KMT2C: variants seen among roughly 807,000 people sequenced by gnomAD.
KMT2C encodes histone-lysine N-methyltransferase 2C.
A neutral mutation model predicts 507.9 loss-of-function variants in KMT2C; 88 were observed. That is an observed-to-expected ratio of 0.17 (90% confidence interval 0.15 to 0.21). The LOEUF is 0.21. Among genes scored for constraint, KMT2C ranks in the 10% least tolerant of loss-of-function variants. The pLI, the probability that KMT2C is intolerant of heterozygous loss-of-function variation, is 1.00. For missense variants in KMT2C, 4,954 were observed against 5,957.8 expected, an observed-to-expected ratio of 0.83 and a Z score of 5.55; for synonymous variants, 2,049 against 2,080.8, an observed-to-expected ratio of 0.98 and a Z score of 0.42.
At chr7:152,310,175 A>G in intron 5 of KMT2C, 100 bp from the exon 6 acceptor site, 7 of 750,462 alleles carry the variant, frequency 9.3e-6, no homozygotes, top group Non-Finnish European at 1.6e-5. Context: ...CTAATATGTA[A>G]ATATACAATG....
chr7:152,364,306 A>C (rs2097219644), intron 1 of KMT2C, among the ~76,000 whole-genome samples: 1 of 152,210 alleles, frequency 6.6e-6, no homozygotes, highest in South Asian at 2.1e-4. Flanking sequence ...ATCAAAAGAT[A>C]ACATCAAATG....
At chr7:152,340,740 T>A (rs1368069424) in intron 2 of KMT2C, among the ~76,000 whole-genome samples, 3 of 152,146 alleles carry the variant, frequency 2.0e-5, no homozygotes, top group African/African-American at 7.2e-5. Flanking sequence ...TACCCACAGT[T>A]CCATAAATTT....
intron 7 of KMT2C, among the ~76,000 whole-genome samples, chr7:152,271,673 CAAAAAAAAAA>C (rs35698920): frequency 1.8e-5 from 1 of 54,994 alleles, no homozygotes; most frequent in Non-Finnish European, 3.9e-5. Context: ...GACTCCATCT[CAAAAAAAAAA>C]AAAAAAAAAA....
intron 9 of KMT2C, among the ~76,000 whole-genome samples, chr7:152,256,236 G>A (rs2095659701): frequency 1.3e-5 from 2 of 152,052 alleles, no homozygotes; most frequent in South Asian, 4.1e-4. Context: ...TACCCTCAGT[G>A]TAGGGAAAGG....
chr7:152,263,761 G>C (rs1398094756), intron 8 of KMT2C, among the ~76,000 whole-genome samples: 3 of 152,142 alleles, frequency 2.0e-5, no homozygotes, highest in Admixed American at 1.3e-4. Context: ...AATTATAGTT[G>C]AAAACCTAAA....
chr7:152,365,096 T>G (rs189130797), intron 1 of KMT2C, among the ~76,000 whole-genome samples: 1 of 152,302 alleles, frequency 6.6e-6, no homozygotes, highest in Non-Finnish European at 1.5e-5. Flanking sequence ...GCAGGCTTCT[T>G]GTCTGAAACT....
At position 152,162,411 on chromosome 7, in the gene KMT2C, C is replaced by T; in HGVS notation, c.11166G>A (p.Lys3722=). The change falls in exon 43 of 59, where the codon AAG becomes AAA. Residue 3722 remains lysine, a synonymous_variant. Coordinates refer to ENST00000262189, the MANE Select transcript of KMT2C (RefSeq NM_170606.3). ...GGCCTGGGCAGGACTCTGTCTCAGC[C>T]TTTTCCAGTTTTATCTCTTCTGTTT... ...PAKTEEIKLE[K]AETESCPGQE... is the part of the protein sequence containing the mutation. 6.2e-7 allele frequency: 1 copy of T among 1,614,236 alleles called. No individual in the cohort carries two copies. The highest frequency in any genetic ancestry group is 8.5e-7 in the Non-Finnish European group (1 of 1,180,046).
intron 3 of KMT2C, among the ~76,000 whole-genome samples, chr7:152,330,177 G>A (rs1353309778): frequency 7.8e-6 from 1 of 128,116 alleles, no homozygotes; most frequent in Non-Finnish European, 1.6e-5. Context: ...GGTGGGGGGG[G>A]GGAGAAAAAG....
intron 37 of KMT2C, 55 bp downstream of exon 37, chr7:152,179,777 GCT>G (rs1260885105): frequency 5.9e-6 from 9 of 1,512,852 alleles, no homozygotes; most frequent in African/African-American, 2.8e-5. Flanking sequence ...ACCACACCCA[GCT>G]CTGTTTCCCT....
chr7:152,249,673 C>CAAAAAAAAAAAAAAAAAAAAAAAAAA (rs1183345172), intron 13 of KMT2C, among the ~76,000 whole-genome samples: 1 of 34,496 alleles, frequency 2.9e-5, no homozygotes, highest in East Asian at 1.2e-3. Context: ...CTCCCCCCTC[C>CAAAAAAAAAAAAAAAAAAAAAAAAAA]AAAAAAAAAA....
At chr7:152,400,696 C>T (rs2097567157) in intron 1 of KMT2C, among the ~76,000 whole-genome samples, 1 of 152,206 alleles carries the variant, frequency 6.6e-6, no homozygotes, top group Non-Finnish European at 1.5e-5. Flanking sequence ...TTATTTCTCA[C>T]ATATTCTTTC....
In KMT2C at chr7:152,180,057, C is replaced by T. The variant is rs768329896; in HGVS notation, c.7219G>A (p.Gly2407Arg). Residue 2407 changes from glycine (G) to arginine (R), a missense_variant, in exon 37 of 59, where the codon GGG becomes AGG. Coordinates refer to ENST00000262189, the MANE Select transcript of KMT2C (RefSeq NM_170606.3). ...GGCACTGCGGGTGAGTCCTGTGACC[C>T]CTTCTCCTGTCGACCTGCAATCTTC... ...QKKIAGRQEK[G>R]SQDSPAVPHP... The T allele has an allele frequency of 6.2e-7, 1 of 1,614,118 alleles. No individual in the cohort carries two copies.
In KMT2C at chr7:152,193,993, TAA is replaced by T. The variant is rs767945610; in HGVS notation, c.4660+14_4660+15del. Reference sequence around the variant, plus strand: ...TGTGTGTGAATATAATGTAGAATTATAAAGTCATAACATACCCTGATTGTGTA... The same window carrying T: ...TGTGTGTGAATATAATGTAGAATTATAGTCATAACATACCCTGATTGTGTA... On this transcript the variant is annotated intron_variant, in intron 31 of 58. Coordinates refer to ENST00000262189, the MANE Select transcript of KMT2C (RefSeq NM_170606.3). 33 of 1,518,546 alleles carry T rather than the reference TAA, an allele frequency of 2.2e-5. No individual in the cohort carries two copies. Among genetic ancestry groups the T allele is most frequent in the South Asian group, 1.2e-4 (9 of 73,386 alleles). The allele number at this position is 1,518,546 out of a possible 1,614,324, so 94.1% of individuals were successfully genotyped here.
At chr7:152,395,148 T>C (rs1247530250) in intron 1 of KMT2C, among the ~76,000 whole-genome samples, 1 of 152,176 alleles carries the variant, frequency 6.6e-6, no homozygotes, top group Admixed American at 6.6e-5. Context: ...CCACTTAATA[T>C]GACTCATTAC....
intron 15 of KMT2C, among the ~76,000 whole-genome samples, chr7:152,238,223 C>T (rs1352505597): frequency 3.3e-4 from 50 of 150,288 alleles, no homozygotes; most frequent in South Asian, 4.2e-4. Flanking sequence ...CTTCAAAATG[C>T]ATCACACTAC....
intron 1 of KMT2C, 101 bp downstream of exon 1, chr7:152,435,525 G>A (rs962238808): frequency 1.4e-4 from 78 of 574,960 alleles, no homozygotes; most frequent in Non-Finnish European, 1.5e-4. Flanking sequence ...CACCCCGCCG[G>A]GGGGCGCCGG....
At chr7:152,300,059 T>C (rs1408581470) in intron 6 of KMT2C, among the ~76,000 whole-genome samples, 1 of 152,224 alleles carries the variant, frequency 6.6e-6, no homozygotes, top group Non-Finnish European at 1.5e-5. Context: ...TTCTTTTGTA[T>C]AAACATTAGA....
At chr7:152,400,026 A>C (rs1166161478) in intron 1 of KMT2C, among the ~76,000 whole-genome samples, 1 of 152,070 alleles carries the variant, frequency 6.6e-6, no homozygotes, top group African/African-American at 2.4e-5. Context: ...AGATCACTAG[A>C]GGCCGGGCGT....
In KMT2C at chr7:152,380,820, C is replaced by T. The variant is rs73730054; in HGVS notation, c.162-22145G>A. ...GTGGAAAAAGGAAGGAGGGGTAGCA[C>T]GAATGGCGGGCAGGTGGACAGAAAA... On this transcript the variant is annotated intron_variant, in intron 1 of 58. Transcript: ENST00000262189. Among the ~76,000 whole-genome samples the T allele has an allele frequency of 1.3e-4, 19 of 148,128 alleles. 1 individual carries two copies. The highest frequency in any genetic ancestry group is 1.6e-4 in the Non-Finnish European group (11 of 66,978).
Sources: allele counts gnomAD v4.1 joint callset (sites outside exome capture counted in the v4.1 genomes callset), GRCh38; gene constraint gnomAD v4.1.1; transcripts MANE v1.5; gene names NCBI Gene and HGNC (gene_info 2026-07-23, HGNC 2026-07-21).